RFWD3: variants seen among roughly 807,000 people sequenced by gnomAD.
RFWD3 encodes the protein ring finger and WD repeat domain 3, also known as E3 ubiquitin-protein ligase RFWD3.
In RFWD3, 65 loss-of-function variants were observed where a neutral mutation model predicts 87.7. That is an observed-to-expected ratio of 0.74 (90% CI 0.61 to 0.91). The LOEUF (loss-of-function observed/expected upper bound fraction) is 0.91, where lower values mean the gene tolerates loss of function less well. Ranked by LOEUF, RFWD3 falls within the 40% of genes least tolerant of loss-of-function variation. The pLI, the probability that RFWD3 is intolerant of heterozygous loss-of-function variation, is 0.00. For synonymous variants in RFWD3, 433 were observed against 352.8 expected, an observed-to-expected ratio of 1.23 and a Z score of -2.55; for missense variants, 1,078 against 938.5, an observed-to-expected ratio of 1.15 and a Z score of -1.94.
chr16:74,656,256 T>C (rs1247600868), intron 2 of RFWD3, among the ~76,000 whole-genome samples: 3 of 128,530 alleles, frequency 2.3e-5, no homozygotes, highest in African/African-American at 6.1e-5. Flanking sequence ...CAGTGAGCCA[T>C]GATCACACCA....
intron 1 of RFWD3, 27 bp from the exon 2 acceptor site, chr16:74,661,478 A>G (rs745480819): frequency 1.5e-5 from 23 of 1,540,732 alleles, no homozygotes; most frequent in Non-Finnish European, 1.8e-5. Context: ...TGTAAAAAGT[A>G]TTAATAAAAT....
intron 11 of RFWD3, among the ~76,000 whole-genome samples, chr16:74,627,016 G>A (rs1958959620): frequency 6.6e-6 from 1 of 152,158 alleles, no homozygotes; most frequent in Non-Finnish European, 1.5e-5. Flanking sequence ...CTGCTGGGAG[G>A]CAAACAAAAG....
intron 1 of RFWD3, chr16:74,666,176 G>C (rs912108052): frequency 2.1e-5 from 3 of 144,266 alleles, no homozygotes; most frequent in Non-Finnish European, 4.5e-5. Flanking sequence ...AGATTAGATA[G>C]ACAGATTAGA....
chr16:74,658,813 G>T (rs1234674145), intron 2 of RFWD3, among the ~76,000 whole-genome samples: 1 of 150,732 alleles, frequency 6.6e-6, no homozygotes, highest in Non-Finnish European at 1.5e-5. Context: ...TGTCACCCAG[G>T]CTGGATTACA....
chr16:74,643,372 T>C (rs542437502), intron 6 of RFWD3, among the ~76,000 whole-genome samples: 1 of 152,214 alleles, frequency 6.6e-6, no homozygotes, highest in African/African-American at 2.4e-5. Context: ...ATTCTGTTCA[T>C]GCATACACCA....
chr16:74,661,931 T>C (rs1483252403), intron 1 of RFWD3, among the ~76,000 whole-genome samples: 1 of 152,162 alleles, frequency 6.6e-6, no homozygotes, highest in African/African-American at 2.4e-5. Flanking sequence ...AAATTAACTG[T>C]TACTAACTCA....
At chr16:74,646,681 G>A (rs574986645) in intron 4 of RFWD3, among the ~76,000 whole-genome samples, 33 of 152,226 alleles carry the variant, frequency 2.2e-4, no homozygotes, top group African/African-American at 6.7e-4. Flanking sequence ...AGCTACTCGG[G>A]AGACTGAGGC....
rs1270326865 is a variant in RFWD3 at position 74,628,552 on chromosome 16, GTCCATTT to G, written c.1862_1868del (p.Lys621ThrfsTer17). On this transcript the variant is annotated frameshift_variant, in exon 11 of 13. Coordinates refer to ENST00000361070, the MANE Select transcript of RFWD3 (RefSeq NM_018124.4). LOFTEE classifies it high-confidence loss of function. Reference sequence around the variant, plus strand: ...GCAGCACATGAGGCCAATGAGAAAAGTCCATTTTCTGTTCCCAGAATGAAGCATCCTC... The same window carrying G: ...GCAGCACATGAGGCCAATGAGAAAAGTCTGTTCCCAGAATGAAGCATCCTC... The G allele has an allele frequency of 6.2e-7, 1 of 1,614,044 alleles. No homozygotes were observed. The highest frequency in any genetic ancestry group is 1.3e-5 in the African/African-American group (1 of 74,914).
chr16:74,640,376 C>T (rs1959530550), intron 6 of RFWD3, among the ~76,000 whole-genome samples: 2 of 151,980 alleles, frequency 1.3e-5, no homozygotes, highest in Non-Finnish European at 1.5e-5. Context: ...GAACTTCCGA[C>T]CTTGTGATCC....
chr16:74,648,364 A>T (rs1389800977), intron 4 of RFWD3, among the ~76,000 whole-genome samples: 2 of 151,226 alleles, frequency 1.3e-5, no homozygotes, highest in Non-Finnish European at 3.0e-5. Flanking sequence ...CATGTTGGCC[A>T]GGCTGGTCTC....
chr16:74,640,964 T>C (rs1191712802), intron 6 of RFWD3, among the ~76,000 whole-genome samples: 1 of 151,810 alleles, frequency 6.6e-6, no homozygotes, highest in Non-Finnish European at 1.5e-5. Context: ...CACAAAGGTA[T>C]GAAAAAATGA....
rs1240676328 is a variant in RFWD3 at position 74,628,609 on chromosome 16, A to T, written c.1812T>A (p.Tyr604Ter). The T allele has an allele frequency of 1.2e-6, 2 of 1,614,140 alleles. No homozygotes were observed. Among genetic ancestry groups the T allele is most frequent in the Non-Finnish European group, 1.7e-6 (2 of 1,180,034 alleles). Residue 604 changes from tyrosine (Y) to a stop codon, truncating the protein, a stop_gained, in exon 11 of 13, where the codon TAT (tyrosine) becomes TAA (stop). Transcript: ENST00000361070. LOFTEE classifies it high-confidence loss of function. Reference sequence around the variant, plus strand: ...CCAAGGTTCCAGCCAGCACCCCACCATATGGAAATGCAGCTGAGGCAGCTC... The same window carrying T: ...CCAAGGTTCCAGCCAGCACCCCACCTTATGGAAATGCAGCTGAGGCAGCTC... ...MPRAASAAFPYGGVLAGTLED... is the reference protein window; with the variant it reads ...MPRAASAAFP
chr16:74,663,377 G>A lies in RFWD3; in HGVS notation c.-2-1926C>T, dbSNP rs201251745. Among the ~76,000 whole-genome samples, 17 of 152,194 alleles carry A rather than the reference G, an allele frequency of 1.1e-4. No individual in the cohort carries two copies. The East Asian group carries it at 3.3e-3, about 29-fold the overall frequency. Reference sequence around the variant, plus strand: ...AGGAAACATGGGAATGTGGTGTCTTGGAAAAACAATGTTTCAAGGAAGGAA... The same window carrying A: ...AGGAAACATGGGAATGTGGTGTCTTAGAAAAACAATGTTTCAAGGAAGGAA... On this transcript the variant is annotated intron_variant, in intron 1 of 12. Transcript: ENST00000361070.
rs756465058 is a variant in RFWD3, at chr16:74,630,931, G to C, written c.1604C>G (p.Thr535Ser). ...CCAGACAGGACGTCCAGCATTATAA[G>C]TCTGGACCACGGTATTTGTCTCCAG... The part of the protein sequence containing the change: ...TSLETNTVVQ[T>S]YNAGRPVWSC... The change falls in exon 10 of 13, where the codon ACT becomes AGT. Residue 535 changes from threonine to serine, a missense_variant. Physicochemically the swap from Thr to Ser is moderately conservative, Grantham distance 58 (BLOSUM62 1). Transcript: ENST00000361070. 3.7e-6 allele frequency: 6 copies of C among 1,612,274 alleles called. No individual in the cohort carries two copies. The highest frequency in any genetic ancestry group is 5.1e-6 in the Non-Finnish European group (6 of 1,179,602).
Position 74,652,126 on chromosome 16 carries a change from T to A in RFWD3, c.519-4A>T. 1 of 1,613,398 alleles carries A rather than the reference T, an allele frequency of 6.2e-7. No individual in the cohort carries two copies. The highest frequency in any genetic ancestry group is 1.7e-5 in the Admixed American group (1 of 59,956). ...AGCATCCAATGGTGCTCTCAACCTATGTACACAGAAAGACAACGGAATTAT... is the reference window on the plus strand; with the variant it reads ...AGCATCCAATGGTGCTCTCAACCTAAGTACACAGAAAGACAACGGAATTAT... On this transcript the variant is annotated splice_region_variant and splice_polypyrimidine_tract_variant and intron_variant, in intron 2 of 12. Coordinates refer to ENST00000361070, the MANE Select transcript of RFWD3 (RefSeq NM_018124.4).
intron 11 of RFWD3, 74 bp downstream of exon 11, chr16:74,628,378 G>T (rs891058381): frequency 2.1e-6 from 3 of 1,425,184 alleles, no homozygotes; most frequent in Non-Finnish European, 9.8e-7. Context: ...CCAAAGGGTA[G>T]GATCAAACCC....
At chr16:74,648,852 G>C (rs1192942214) in intron 4 of RFWD3, among the ~76,000 whole-genome samples, 2 of 152,118 alleles carry the variant, frequency 1.3e-5, no homozygotes, top group African/African-American at 4.8e-5. Flanking sequence ...TTGGGAGGCC[G>C]AGGCAGGACG....
chr16:74,653,580 A>C (rs1252300074), intron 2 of RFWD3, among the ~76,000 whole-genome samples: 2 of 152,216 alleles, frequency 1.3e-5, no homozygotes, highest in African/African-American at 4.8e-5. Flanking sequence ...TGGAAAGCCA[A>C]GGCAGGAGGA....
intron 6 of RFWD3, 30 bp downstream of exon 6, chr16:74,644,332 A>G (rs745769790): frequency 6.2e-7 from 1 of 1,607,950 alleles, no homozygotes; most frequent in African/African-American, 1.3e-5. Context: ...AAAAGGGAAC[A>G]TTCCAGCCAG....
Sources: gnomAD v4.1 joint callset for allele counts (sites outside exome capture counted in the v4.1 genomes callset) on GRCh38, gnomAD v4.1.1 for gene constraint, MANE v1.5 for transcripts, NCBI Gene and HGNC (gene_info 2026-07-23, HGNC 2026-07-21) for gene names.